SREK1IP1: variants seen among roughly 807,000 people sequenced by gnomAD.
SREK1IP1 encodes the protein protein SREK1IP1.
A neutral mutation model predicts 22.8 loss-of-function variants in SREK1IP1; 12 were observed. The ratio of observed to expected loss-of-function variants is 0.53; its 90% CI spans 0.34 to 0.85. The LOEUF is 0.85. Ranked by LOEUF, SREK1IP1 falls within the 40% of genes least tolerant of loss-of-function variation. The pLI, the probability that SREK1IP1 is intolerant of heterozygous loss-of-function variation, is 0.02. For missense variants in SREK1IP1, 147 were observed against 171.8 expected, an observed-to-expected ratio of 0.86 and a Z score of 0.81; for synonymous variants, 53 against 52.7, an observed-to-expected ratio of 1.01 and a Z score of -0.02.
At chr5:64,747,248 C>A (rs1289392678) in intron 2 of SREK1IP1, among the ~76,000 whole-genome samples, 2 of 152,146 alleles carry the variant, frequency 1.3e-5, no homozygotes, top group Non-Finnish European at 2.9e-5. Context: ...TCATCCTTCT[C>A]CCCTTTCTAG....
chr5:64,761,854 T>C (rs1742957025), intron 1 of SREK1IP1, among the ~76,000 whole-genome samples: 1 of 151,412 alleles, frequency 6.6e-6, no homozygotes, highest in African/African-American at 2.4e-5. Flanking sequence ...ACATGTAAAT[T>C]ATGTCTTAGC....
intron 1 of SREK1IP1, among the ~76,000 whole-genome samples, chr5:64,766,797 C>T (rs1220698131): frequency 6.6e-6 from 1 of 152,164 alleles, no homozygotes; most frequent in African/African-American, 2.4e-5. Context: ...CCTCAGTGTC[C>T]TCATCTGTAA....
chr5:64,730,771 G>A (rs1742364455), intron 3 of SREK1IP1, among the ~76,000 whole-genome samples: 2 of 152,126 alleles, frequency 1.3e-5, no homozygotes, highest in Admixed American at 1.3e-4. Context: ...GCTGAGATTA[G>A]GGATCATGAA....
intron 1 of SREK1IP1, among the ~76,000 whole-genome samples, chr5:64,760,902 T>C (rs1472475149): frequency 6.6e-6 from 1 of 152,240 alleles, no homozygotes; most frequent in Non-Finnish European, 1.5e-5. Context: ...GACATGTCAC[T>C]ATATACCTTT....
intron 2 of SREK1IP1, among the ~76,000 whole-genome samples, chr5:64,750,746 AAC>A (rs1279268714): frequency 6.6e-6 from 1 of 152,174 alleles, no homozygotes; most frequent in Non-Finnish European, 1.5e-5. Flanking sequence ...ACCACCTGAA[AAC>A]ATCTATATCT....
At chr5:64,746,295 C>T (rs1364397092) in intron 2 of SREK1IP1, among the ~76,000 whole-genome samples, 4 of 152,110 alleles carry the variant, frequency 2.6e-5, no homozygotes, top group Non-Finnish European at 5.9e-5. Flanking sequence ...TGTTCATTAC[C>T]TTGGATTTGG....
intron 1 of SREK1IP1, among the ~76,000 whole-genome samples, chr5:64,759,606 C>G (rs1290079333): frequency 6.6e-6 from 1 of 151,990 alleles, no homozygotes; most frequent in African/African-American, 2.4e-5. Flanking sequence ...ATTTGCGCCT[C>G]ATAGGACCAA....
chr5:64,739,495 T>C (rs572472552), intron 3 of SREK1IP1, among the ~76,000 whole-genome samples: 1 of 152,106 alleles, frequency 6.6e-6, no homozygotes, highest in African/African-American at 2.4e-5. Flanking sequence ...GGATACTAAT[T>C]ATCATGTCTT....
At chr5:64,744,362 T>G (rs1323629081) in intron 2 of SREK1IP1, among the ~76,000 whole-genome samples, 1 of 152,218 alleles carries the variant, frequency 6.6e-6, no homozygotes, top group Non-Finnish European at 1.5e-5. Flanking sequence ...CTTTCGTTCC[T>G]GCTTTAAAGC....
At chr5:64,752,144 G>GTTTTTTTT (rs755420855) in intron 2 of SREK1IP1, among the ~76,000 whole-genome samples, 9 of 85,472 alleles carry the variant, frequency 1.1e-4, no homozygotes, top group African/African-American at 1.6e-4. Flanking sequence ...TTTTTTTTGT[G>GTTTTTTTT]TGTTTTTTTT....
chr5:64,720,566 G>T lies in SREK1IP1; in HGVS notation c.*3818C>A, dbSNP rs1281461047. Reference sequence around the variant, plus strand: ...TCTGTCGCCCAGGCTGGAGTACAGTGGTGTGATCTCAGCTTACTGCAACTT... The same window carrying T: ...TCTGTCGCCCAGGCTGGAGTACAGTTGTGTGATCTCAGCTTACTGCAACTT... On this transcript the variant is annotated 3_prime_UTR_variant, in exon 5 of 5. Transcript: ENST00000513458. The T allele has an allele frequency of 6.6e-6, 1 of 150,446 alleles. No homozygotes were observed. The highest frequency in any genetic ancestry group is 2.5e-5 in the African/African-American group (1 of 40,612). The allele number at this position is 150,446 out of a possible 1,614,324, so 9.3% of individuals were successfully genotyped here. A position where few individuals can be genotyped will look rare whatever the true frequency, so the allele number is the denominator to read the frequency against.
rs1238821133 is a variant in SREK1IP1 at position 64,718,805 on chromosome 5, A to G, written c.*5579T>C. 6.6e-6 allele frequency: 1 copy of G among 152,158 alleles called. No individual in the cohort carries two copies. 9.4% of individuals were successfully genotyped at this position (152,158 alleles called of 1,614,324 possible). Reference sequence around the variant, plus strand: ...GTAACAGAATTCAACAGAAAAAAAAAGGGAATTATTTTAAGCAGCTCTACT... The same window carrying G: ...GTAACAGAATTCAACAGAAAAAAAAGGGGAATTATTTTAAGCAGCTCTACT... On this transcript the variant is annotated 3_prime_UTR_variant, in exon 5 of 5. Transcript: ENST00000513458.
intron 2 of SREK1IP1, among the ~76,000 whole-genome samples, chr5:64,744,929 CTTCT>C (rs1258451323): frequency 6.6e-6 from 1 of 152,192 alleles, no homozygotes; most frequent in Non-Finnish European, 1.5e-5. Flanking sequence ...CGCATTCTTG[CTTCT>C]TTCAGTGAGT....
chr5:64,725,650 C>T (rs1322692344), intron 4 of SREK1IP1, among the ~76,000 whole-genome samples: 1 of 152,012 alleles, frequency 6.6e-6, no homozygotes, highest in Non-Finnish European at 1.5e-5. Flanking sequence ...TGTTTGTCTA[C>T]TTACTTAGAC....
At chr5:64,729,720 G>A (rs1245165108) in intron 3 of SREK1IP1, among the ~76,000 whole-genome samples, 1 of 152,234 alleles carries the variant, frequency 6.6e-6, no homozygotes, top group South Asian at 2.1e-4. Context: ...ATATGTGTGT[G>A]CGAAGGATGA....
At chr5:64,730,716 G>A (rs1178603465) in intron 3 of SREK1IP1, among the ~76,000 whole-genome samples, 1 of 152,110 alleles carries the variant, frequency 6.6e-6, no homozygotes, top group Non-Finnish European at 1.5e-5. Flanking sequence ...AAGTGGGAAA[G>A]GTATAAAATA....
At chr5:64,737,870 A>G (rs961407536) in intron 3 of SREK1IP1, among the ~76,000 whole-genome samples, 3 of 152,218 alleles carry the variant, frequency 2.0e-5, no homozygotes, top group Admixed American at 6.5e-5. Context: ...ATGTATCAGG[A>G]GTGAATCATG....
Position 64,718,166 on chromosome 5 carries a change from C to T in SREK1IP1, c.*6218G>A. On this transcript the variant is annotated 3_prime_UTR_variant, in exon 5 of 5. Transcript: ENST00000513458. The stretch of plus-strand genomic sequence containing the variant: ...AGCTGCATTTTTGATCATTCAGTTA[C>T]TTTATTAAACGCACATTAAGGTTTT... 1 of 596,108 alleles carries T rather than the reference C, an allele frequency of 1.7e-6. No individual in the cohort carries two copies. Among genetic ancestry groups the T allele is most frequent in the Non-Finnish European group, 2.7e-6 (1 of 375,928 alleles). 36.9% of individuals were successfully genotyped at this position (596,108 alleles called of 1,614,324 possible).
Position 64,755,163 on chromosome 5 carries a change from A to G in SREK1IP1, c.14-801T>C, listed in dbSNP as rs544305347. Among the ~76,000 whole-genome samples the G allele has an allele frequency of 1.1e-3, 171 of 152,228 alleles. 1 individual carries two copies. Among genetic ancestry groups the G allele is most frequent in the African/African-American group, 3.9e-3 (163 of 41,532 alleles). On this transcript the variant is annotated intron_variant, in intron 1 of 4. Transcript: ENST00000513458. The stretch of plus-strand genomic sequence containing the variant: ...GGAAAGCAGTTTGGAGATTTCTTAA[A>G]GAACTTAAAACAGCACTATCATTCG...
Sources: allele counts gnomAD v4.1 joint callset (sites outside exome capture counted in the v4.1 genomes callset), GRCh38; gene constraint gnomAD v4.1.1; transcripts MANE v1.5; gene names NCBI Gene and HGNC (gene_info 2026-07-23, HGNC 2026-07-21).